The following CSMD1 variants were observed in gnomAD, a reference collection of about 807,000 sequenced individuals.
CSMD1 encodes the protein CUB and Sushi multiple domains 1.
Under a neutral mutation model 417.5 loss-of-function variants are expected in CSMD1, and 213 were observed. The ratio of observed to expected loss-of-function variants is 0.51; its 90% CI spans 0.46 to 0.57. CSMD1 has a LOEUF of 0.57. Among genes scored for constraint, CSMD1 ranks in the 20% least tolerant of loss-of-function variants. The pLI, the probability that CSMD1 is intolerant of heterozygous loss-of-function variation, is 0.00. For synonymous variants in CSMD1, 2,862 were observed against 1,736.8 expected (o/e 1.65, Z -16.11); for missense variants, 6,923 against 4,529.7 (o/e 1.53, Z -15.17).
chr8:3,889,778 A>T (rs1442692125), intron 5 of CSMD1, among the ~76,000 whole-genome samples: 1 of 151,934 alleles, frequency 6.6e-6, no homozygotes, highest in Non-Finnish European at 1.5e-5. Flanking sequence ...AGACATAGAG[A>T]ATTATATAGG....
chr8:3,725,900 C>T (rs1563314234), intron 6 of CSMD1, among the ~76,000 whole-genome samples: 1 of 152,134 alleles, frequency 6.6e-6, no homozygotes, highest in African/African-American at 2.4e-5. Context: ...AAAGATGGAG[C>T]CTACTCCTTC....
At chr8:4,084,135 C>G (rs191594466) in intron 3 of CSMD1, among the ~76,000 whole-genome samples, 1 of 152,090 alleles carries the variant, frequency 6.6e-6, no homozygotes, top group East Asian at 1.9e-4. Context: ...GCTCTTATGA[C>G]TAAATTATTT....
chr8:3,516,284 T>A, intron 10 of CSMD1, among the ~76,000 whole-genome samples: 1 of 152,240 alleles, frequency 6.6e-6, no homozygotes, highest in East Asian at 1.9e-4. Context: ...CTCCAGTAAA[T>A]GCTAAGTTCT....
chr8:3,952,040 C>G (rs897065084), intron 5 of CSMD1, among the ~76,000 whole-genome samples: 1 of 152,048 alleles, frequency 6.6e-6, no homozygotes, highest in Non-Finnish European at 1.5e-5. Flanking sequence ...AGATACTGAC[C>G]TAGGTAAATA....
At chr8:3,313,959 T>C (rs1268179959) in intron 23 of CSMD1, among the ~76,000 whole-genome samples, 4 of 152,220 alleles carry the variant, frequency 2.6e-5, no homozygotes, top group East Asian at 1.9e-4. Context: ...GATGAGTTCA[T>C]GTCCTTTGTA....
chr8:4,166,694 A>C (rs1472964762), intron 3 of CSMD1, among the ~76,000 whole-genome samples: 2 of 152,118 alleles, frequency 1.3e-5, no homozygotes, highest in Admixed American at 1.3e-4. Context: ...AATCAAGAAA[A>C]TCAGCTCTAA....
chr8:3,530,587 G>C (rs747175591), intron 10 of CSMD1, among the ~76,000 whole-genome samples: 6 of 152,116 alleles, frequency 3.9e-5, no homozygotes, highest in Non-Finnish European at 8.8e-5. Flanking sequence ...AGGGGTGTGA[G>C]CTAGGCTCAC....
intron 17 of CSMD1, among the ~76,000 whole-genome samples, chr8:3,394,017 TATATATATATATATATATA>T (rs1811523055): frequency 3.9e-5 from 3 of 77,210 alleles, no homozygotes; most frequent in African/African-American, 8.8e-5. Flanking sequence ...ATAAATTATA[TATATATATATATATATATA>T]TATATATATA....
At chr8:3,358,125 T>G (rs956406928) in intron 21 of CSMD1, among the ~76,000 whole-genome samples, 5 of 152,054 alleles carry the variant, frequency 3.3e-5, no homozygotes, top group African/African-American at 1.2e-4. Flanking sequence ...AGTGAACATG[T>G]TTGTGTTTTA....
At chr8:3,532,868 A>C (rs1798038758) in intron 10 of CSMD1, among the ~76,000 whole-genome samples, 1 of 152,208 alleles carries the variant, frequency 6.6e-6, no homozygotes, top group African/African-American at 2.4e-5. Flanking sequence ...ATATAATTTC[A>C]CACTGAGATC....
chr8:3,862,012 C>A (rs1481486803), intron 5 of CSMD1, among the ~76,000 whole-genome samples: 2 of 152,164 alleles, frequency 1.3e-5, no homozygotes, highest in African/African-American at 4.8e-5. Flanking sequence ...CTAAAACCAA[C>A]ACAATCATTC....
intron 7 of CSMD1, among the ~76,000 whole-genome samples, chr8:3,661,183 C>G (rs564126410): frequency 5.3e-5 from 8 of 152,308 alleles, no homozygotes; most frequent in Middle Eastern, 3.4e-3. Context: ...TTGCAACTAA[C>G]TGAACAGGCA....
intron 1 of CSMD1, among the ~76,000 whole-genome samples, chr8:4,941,742 G>A (rs1297613331): frequency 6.6e-6 from 1 of 152,090 alleles, no homozygotes; most frequent in Non-Finnish European, 1.5e-5. Flanking sequence ...GGGACCACAG[G>A]CATGTGCCAT....
At chr8:3,926,661 C>G (rs573641270) in intron 5 of CSMD1, among the ~76,000 whole-genome samples, 2 of 145,254 alleles carry the variant, frequency 1.4e-5, no homozygotes, top group South Asian at 2.2e-4. Context: ...TTGACCTATA[C>G]TTTTATGTGA....
intron 3 of CSMD1, among the ~76,000 whole-genome samples, chr8:4,189,076 T>G (rs983323899): frequency 1.3e-5 from 2 of 152,206 alleles, no homozygotes; most frequent in Admixed American, 1.3e-4. Context: ...GTTAATTATC[T>G]AGTAATGAAA....
At chr8:3,907,581 G>A (rs560242337) in intron 5 of CSMD1, among the ~76,000 whole-genome samples, 11 of 152,264 alleles carry the variant, frequency 7.2e-5, no homozygotes, top group Admixed American at 2.0e-4. Flanking sequence ...CAGTGGTTGT[G>A]CCAGGTACAG....
rs566921843 is a variant in CSMD1, at chr8:3,902,478, C to T, written c.818+95425G>A. Among the ~76,000 whole-genome samples the T allele has an allele frequency of 1.3e-5, 2 of 152,052 alleles. 1 individual carries two copies. Among genetic ancestry groups the T allele is most frequent in the Non-Finnish European group, 2.9e-5 (2 of 68,028 alleles). ...TTTTTTTTTCCATGGACTCAAGTGG[C>T]AGGGGATAGTTTGGGATGAAACTTC... is the stretch of plus-strand genomic sequence containing the variant. On this transcript the variant is annotated intron_variant, in intron 5 of 69. Coordinates refer to ENST00000635120, the MANE Select transcript of CSMD1 (RefSeq NM_033225.6).
intron 1 of CSMD1, among the ~76,000 whole-genome samples, chr8:4,885,224 T>G (rs1803659814): frequency 6.6e-6 from 1 of 152,068 alleles, no homozygotes. Flanking sequence ...ATATAATAGT[T>G]TTTTAATCGA....
intron 1 of CSMD1, among the ~76,000 whole-genome samples, chr8:4,698,001 G>C (rs564200515): frequency 1.3e-5 from 2 of 152,026 alleles, no homozygotes; most frequent in Admixed American, 6.6e-5. Flanking sequence ...ATCTTACATC[G>C]AACACTTAAT....
Sources: allele counts gnomAD v4.1 joint callset (sites outside exome capture counted in the v4.1 genomes callset), GRCh38; gene constraint gnomAD v4.1.1; transcripts MANE v1.5; gene names NCBI Gene and HGNC (gene_info 2026-07-23, HGNC 2026-07-21).